Variants in DTNB observed in about 807,000 individuals in gnomAD.
DTNB encodes the protein dystrobrevin beta.
A neutral mutation model predicts 90.7 loss-of-function variants in DTNB; 63 were observed. The observed-to-expected ratio is 0.69, with a 90% CI of 0.57 to 0.86. The LOEUF (loss-of-function observed/expected upper bound fraction) is 0.86, where lower values mean the gene tolerates loss of function less well. Ranked by LOEUF, DTNB falls within the 40% of genes least tolerant of loss-of-function variation. The probability of loss-of-function intolerance (pLI) is 0.00; values close to 1 mark genes in which losing one functional copy is unlikely to be tolerated. For missense variants in DTNB, 744 were observed against 807.1 expected, an observed-to-expected ratio of 0.92 and a Z score of 0.95; for synonymous variants, 277 against 286.7, an observed-to-expected ratio of 0.97 and a Z score of 0.34.
intron 6 of DTNB, among the ~76,000 whole-genome samples, chr2:25,582,258 G>A (rs2061664427): frequency 6.6e-6 from 1 of 152,086 alleles, no homozygotes; most frequent in Admixed American, 6.6e-5. Context: ...CTGAAGGACG[G>A]AGGCCCCCAG....
At chr2:25,610,605 A>G (rs2068355781) in intron 4 of DTNB, among the ~76,000 whole-genome samples, 1 of 151,984 alleles carries the variant, frequency 6.6e-6, no homozygotes, top group African/African-American at 2.4e-5. Context: ...GAACTTTCAC[A>G]AAATAAATAC....
chr2:25,612,213 AAGAC>A (rs1237982876), intron 4 of DTNB, among the ~76,000 whole-genome samples: 2 of 152,176 alleles, frequency 1.3e-5, no homozygotes, highest in Admixed American at 6.5e-5. Flanking sequence ...TTATATATGA[AAGAC>A]AGAATCATAT....
At chr2:25,568,707 G>C (rs1206043347) in intron 8 of DTNB, among the ~76,000 whole-genome samples, 1 of 152,208 alleles carries the variant, frequency 6.6e-6, no homozygotes, top group Non-Finnish European at 1.5e-5. Flanking sequence ...GTGGGACAGA[G>C]TGTAATTTCC....
chr2:25,430,531 G>C (rs551934828), intron 14 of DTNB, among the ~76,000 whole-genome samples: 2 of 152,040 alleles, frequency 1.3e-5, no homozygotes, highest in African/African-American at 2.4e-5. Flanking sequence ...GTGGGGGTAG[G>C]GGGTGGAGAG....
At chr2:25,377,783 T>C (rs374234285) in intron 20 of DTNB, among the ~76,000 whole-genome samples, 59 of 152,262 alleles carry the variant, frequency 3.9e-4, no homozygotes, top group African/African-American at 1.3e-3. Context: ...AAGGTTTGAA[T>C]GGGGTGATTT....
chr2:25,626,004 C>G (rs1359521122), intron 4 of DTNB, among the ~76,000 whole-genome samples: 2 of 152,128 alleles, frequency 1.3e-5, no homozygotes, highest in Non-Finnish European at 2.9e-5. Context: ...GAGGCCCTCC[C>G]CACACACAGA....
intron 9 of DTNB, among the ~76,000 whole-genome samples, chr2:25,518,620 CACAT>C (rs1371403960): frequency 2.6e-5 from 4 of 152,142 alleles, no homozygotes; most frequent in East Asian, 3.8e-4. Flanking sequence ...CATGCACACA[CACAT>C]ACATACTGAG....
chr2:25,561,584 T>C (rs1446023593), intron 8 of DTNB, among the ~76,000 whole-genome samples: 2 of 152,122 alleles, frequency 1.3e-5, no homozygotes, highest in Non-Finnish European at 2.9e-5. Context: ...GTGACTGCAT[T>C]ATGGGGGCGG....
intron 5 of DTNB, among the ~76,000 whole-genome samples, chr2:25,603,784 A>T (rs190623430): frequency 1.3e-3 from 195 of 152,370 alleles, no homozygotes; most frequent in Middle Eastern, 3.4e-3. Flanking sequence ...AGCAAACAAG[A>T]AGAACCAAAA....
At chr2:25,526,279 G>A (rs973962089) in intron 9 of DTNB, among the ~76,000 whole-genome samples, 35 of 148,784 alleles carry the variant, frequency 2.4e-4, no homozygotes, top group Non-Finnish European at 4.3e-4. Context: ...TGGAGGCAGA[G>A]GTCTAAAAGC....
chr2:25,660,967 A>C (rs2083066540), intron 1 of DTNB, among the ~76,000 whole-genome samples: 1 of 152,234 alleles, frequency 6.6e-6, no homozygotes, highest in Non-Finnish European at 1.5e-5. Context: ...TAGATCCACC[A>C]GGCTTTTCAA....
intron 15 of DTNB, among the ~76,000 whole-genome samples, chr2:25,426,947 G>C (rs766515459): frequency 1.7e-4 from 26 of 152,260 alleles, no homozygotes; most frequent in Middle Eastern, 3.4e-3. Flanking sequence ...AGGCTGAAGT[G>C]GGTGGATCAC....
intron 9 of DTNB, among the ~76,000 whole-genome samples, chr2:25,494,145 C>A (rs913914127): frequency 6.6e-6 from 1 of 151,990 alleles, no homozygotes; most frequent in African/African-American, 2.4e-5. Context: ...TGAGCCAGGC[C>A]CCTCAGAAAC....
At chr2:25,481,295 G>T (rs1187455339) in intron 10 of DTNB, among the ~76,000 whole-genome samples, 10 of 151,594 alleles carry the variant, frequency 6.6e-5, no homozygotes, top group African/African-American at 1.9e-4. Flanking sequence ...ATTCCAGCTA[G>T]TCGGGAGGCT....
intron 2 of DTNB, among the ~76,000 whole-genome samples, chr2:25,644,782 GAAATTTT>G (rs1167996122): frequency 6.6e-6 from 1 of 151,976 alleles, no homozygotes; most frequent in Non-Finnish European, 1.5e-5. Context: ...TGAGAAATAA[GAAATTTT>G]TCAACAGATT....
chr2:25,584,505 A>G (rs942456062), intron 6 of DTNB, among the ~76,000 whole-genome samples: 5 of 152,134 alleles, frequency 3.3e-5, no homozygotes, highest in Non-Finnish European at 1.5e-5. Flanking sequence ...ATGTTAACAT[A>G]TAATAGGTTC....
intron 9 of DTNB, among the ~76,000 whole-genome samples, chr2:25,513,586 G>A (rs1483379367): frequency 6.6e-6 from 1 of 152,012 alleles, no homozygotes; most frequent in African/African-American, 2.4e-5. Context: ...AGCTGGGCAT[G>A]GCTGCGGGTG....
intron 6 of DTNB, among the ~76,000 whole-genome samples, chr2:25,582,501 A>C (rs2061702362): frequency 2.6e-5 from 4 of 152,242 alleles, no homozygotes. Flanking sequence ...GAAGCTGTGC[A>C]ATAAAAATCT....
chr2:25,545,410 GTTGTT>G (rs2151056970), intron 8 of DTNB, among the ~76,000 whole-genome samples: 1 of 152,300 alleles, frequency 6.6e-6, no homozygotes, highest in African/African-American at 2.4e-5. Flanking sequence ...CTTAGCAGGG[GTTGTT>G]TTCTGCATAG....
Sources: gnomAD v4.1 joint callset for allele counts (sites outside exome capture counted in the v4.1 genomes callset) on GRCh38, gnomAD v4.1.1 for gene constraint, MANE v1.5 for transcripts, NCBI Gene and HGNC (gene_info 2026-07-23, HGNC 2026-07-21) for gene names.